Variants in SIL1 observed in about 807,000 individuals in gnomAD.
SIL1 encodes nucleotide exchange factor SIL1.
In SIL1, 40 loss-of-function variants were observed where a neutral mutation model predicts 49.1. The ratio of observed to expected loss-of-function variants is 0.81; its 90% CI spans 0.63 to 1.06. The LOEUF (loss-of-function observed/expected upper bound fraction) is 1.06. SIL1 is among the 50% of genes least tolerant of loss of function. The pLI is 0.00. For missense variants in SIL1, 500 were observed against 572.6 expected (o/e 0.87, Z 1.29); for synonymous variants, 253 against 250.8 (o/e 1.01, Z -0.08).
At chr5:139,156,852 T>C (rs1751415983) in intron 1 of SIL1, among the ~76,000 whole-genome samples, 1 of 152,198 alleles carries the variant, frequency 6.6e-6, no homozygotes. Context: ...AAAGGATAAA[T>C]CTCTTGTTTT....
chr5:139,061,276 C>G (rs11959727), intron 3 of SIL1, among the ~76,000 whole-genome samples: 1 of 152,010 alleles, frequency 6.6e-6, no homozygotes, highest in Non-Finnish European at 1.5e-5. Context: ...CCTGCTTCAA[C>G]GAAGACAGGC....
At chr5:139,124,337 G>A (rs1007313791) in intron 2 of SIL1, among the ~76,000 whole-genome samples, 24 of 152,108 alleles carry the variant, frequency 1.6e-4, no homozygotes, top group African/African-American at 5.3e-4. Context: ...GTCCTAAGGA[G>A]GCCAGACTCT....
At chr5:139,052,401 G>C (rs911116561) in intron 3 of SIL1, among the ~76,000 whole-genome samples, 2 of 152,134 alleles carry the variant, frequency 1.3e-5, no homozygotes, top group Non-Finnish European at 2.9e-5. Flanking sequence ...TATTTTCAAG[G>C]ATAAAAAATA....
At chr5:139,149,193 G>T (rs951306939) in intron 1 of SIL1, among the ~76,000 whole-genome samples, 1 of 151,922 alleles carries the variant, frequency 6.6e-6, no homozygotes, top group Admixed American at 6.5e-5. Flanking sequence ...ACACACCCAC[G>T]CCAAAGCCAT....
intron 5 of SIL1, among the ~76,000 whole-genome samples, chr5:139,039,204 T>C (rs1055094372): frequency 6.6e-6 from 1 of 152,172 alleles, no homozygotes; most frequent in Non-Finnish European, 1.5e-5. Context: ...TTTTACTGCC[T>C]TCTACCACTT....
At chr5:139,161,352 G>C (rs987607078) in intron 1 of SIL1, among the ~76,000 whole-genome samples, 1 of 152,196 alleles carries the variant, frequency 6.6e-6, no homozygotes, top group South Asian at 2.1e-4. Context: ...CTTCATTTGA[G>C]AGCCGTATAG....
chr5:139,109,712 A>AG (rs1770799830), intron 3 of SIL1, among the ~76,000 whole-genome samples: 1 of 150,946 alleles, frequency 6.6e-6, no homozygotes, highest in Non-Finnish European at 1.5e-5. Context: ...AAAAAAAAAA[A>AG]AAGCAGTTTT....
intron 7 of SIL1, among the ~76,000 whole-genome samples, chr5:138,982,241 C>T (rs1391138864): frequency 6.6e-6 from 1 of 152,190 alleles, no homozygotes; most frequent in East Asian, 1.9e-4. Flanking sequence ...AATGAGCTGG[C>T]TTCCCTGAGC....
intron 1 of SIL1, among the ~76,000 whole-genome samples, chr5:139,173,836 G>A (rs1345998522): frequency 2.0e-5 from 3 of 146,412 alleles, no homozygotes; most frequent in East Asian, 2.1e-4. Flanking sequence ...GCAGGTGCCT[G>A]TAGTCCCAGC....
chr5:139,158,139 C>A (rs2151809310), intron 1 of SIL1, among the ~76,000 whole-genome samples: 1 of 152,290 alleles, frequency 6.6e-6, no homozygotes, highest in African/African-American at 2.4e-5. Context: ...GGTTAGGCCA[C>A]CTTCCCAAAG....
chr5:138,951,139 C>T (rs374306443), intron 9 of SIL1, 32 bp downstream of exon 9: 21 of 1,606,814 alleles, frequency 1.3e-5, no homozygotes, highest in Non-Finnish European at 1.7e-5. Flanking sequence ...ACAAAGCAAA[C>T]AAGAGGAGAC....
intron 3 of SIL1, among the ~76,000 whole-genome samples, chr5:139,103,370 C>A: frequency 6.6e-6 from 1 of 152,206 alleles, no homozygotes; most frequent in East Asian, 1.9e-4. Flanking sequence ...TCTTGCCTTT[C>A]GGCTAGTACA....
chr5:139,180,758 C>T (rs1364479880), intron 1 of SIL1, among the ~76,000 whole-genome samples: 1 of 152,224 alleles, frequency 6.6e-6, no homozygotes, highest in East Asian at 1.9e-4. Flanking sequence ...CCAGAACCCA[C>T]AGCTCTGGGC....
chr5:139,000,048 T>A (rs944865897), intron 7 of SIL1, among the ~76,000 whole-genome samples: 1 of 152,214 alleles, frequency 6.6e-6, no homozygotes, highest in Non-Finnish European at 1.5e-5. Context: ...CTTCCTGATC[T>A]TGCAGGAAAA....
At chr5:139,011,725 G>A (rs976561169) in intron 7 of SIL1, among the ~76,000 whole-genome samples, 8 of 152,104 alleles carry the variant, frequency 5.3e-5, no homozygotes, top group African/African-American at 1.2e-4. Context: ...TTTTGGTTGT[G>A]AGCTCATGAT....
At chr5:139,059,181 T>A (rs999628499) in intron 3 of SIL1, among the ~76,000 whole-genome samples, 1 of 152,188 alleles carries the variant, frequency 6.6e-6, no homozygotes, top group Non-Finnish European at 1.5e-5. Context: ...AATTCCCACA[T>A]GTCATGGGAG....
intron 3 of SIL1, among the ~76,000 whole-genome samples, chr5:139,095,206 AAGAT>A: frequency 6.6e-6 from 1 of 152,174 alleles, no homozygotes; most frequent in Admixed American, 6.5e-5. Flanking sequence ...CCCAACTGGA[AAGAT>A]GTAAGCTCCA....
chr5:138,975,551 C>T (rs1767376804), intron 7 of SIL1, among the ~76,000 whole-genome samples: 1 of 152,182 alleles, frequency 6.6e-6, no homozygotes, highest in African/African-American at 2.4e-5. Flanking sequence ...TGCCAGTCTC[C>T]AGCACGGTCA....
chr5:138,971,911 G>A (rs1473809915), intron 7 of SIL1, among the ~76,000 whole-genome samples: 1 of 152,008 alleles, frequency 6.6e-6, no homozygotes, highest in Non-Finnish European at 1.5e-5. Flanking sequence ...CATCCTCACT[G>A]GGCTCCAACC....
Sources: gnomAD v4.1 joint callset for allele counts (sites outside exome capture counted in the v4.1 genomes callset) on GRCh38, gnomAD v4.1.1 for gene constraint, MANE v1.5 for transcripts, NCBI Gene and HGNC (gene_info 2026-07-23, HGNC 2026-07-21) for gene names.